The following ANKRD13C variants were observed in gnomAD, a reference collection of about 807,000 sequenced individuals.
The protein encoded by ANKRD13C is ankyrin repeat domain 13C.
A neutral mutation model predicts 65.5 loss-of-function variants in ANKRD13C; 16 were observed. That is an observed-to-expected ratio of 0.24 (90% CI 0.17 to 0.37). The LOEUF (loss-of-function observed/expected upper bound fraction) is 0.37, where lower values mean the gene tolerates loss of function less well. Among genes scored for constraint, ANKRD13C ranks in the 10% least tolerant of loss-of-function variants. ANKRD13C has a pLI of 1.00. For missense variants in ANKRD13C, 503 were observed against 655.9 expected (o/e 0.77, Z 2.55); for synonymous variants, 235 against 238.7 (o/e 0.98, Z 0.14).
chr1:70,339,610 C>T (rs1169283644), intron 1 of ANKRD13C, among the ~76,000 whole-genome samples: 1 of 151,838 alleles, frequency 6.6e-6, no homozygotes, highest in Admixed American at 6.6e-5. Context: ...TGAGCCACCG[C>T]GCTCGGCCTT....
intron 2 of ANKRD13C, among the ~76,000 whole-genome samples, 199 bp downstream of exon 2, chr1:70,335,859 A>G (rs1256116163): frequency 6.6e-6 from 1 of 151,710 alleles, no homozygotes; most frequent in Admixed American, 6.6e-5. Flanking sequence ...AAAAGTTAGT[A>G]CAGGATTTCC....
chr1:70,288,324 C>A (rs1366302139), intron 9 of ANKRD13C, among the ~76,000 whole-genome samples: 1 of 152,150 alleles, frequency 6.6e-6, no homozygotes, highest in Non-Finnish European at 1.5e-5. Context: ...AACACTTTGG[C>A]AGTCTCTTAC....
chr1:70,344,323 CA>C (rs1682437346), intron 1 of ANKRD13C, among the ~76,000 whole-genome samples: 1 of 134,014 alleles, frequency 7.5e-6, no homozygotes, highest in African/African-American at 2.8e-5. Flanking sequence ...ATTAGCTGGG[CA>C]TGGTAGTGTG....
Position 70,259,075 on chromosome 1 carries a change from C to G in ANKRD13C, c.*3642G>C, listed in dbSNP as rs1166132264. On this transcript the variant is annotated 3_prime_UTR_variant, in exon 13 of 13. Transcript: ENST00000370944. ...TACCACCTAGGTTTGTGTAAGTACA[C>G]CCAATATGGTTCTCACAATGACAAA... is the stretch of plus-strand genomic sequence containing the variant. Among the ~76,000 whole-genome samples, 1 of 152,088 alleles carries G rather than the reference C, an allele frequency of 6.6e-6. No individual in the cohort carries two copies.
At chr1:70,277,709 G>A (rs1398651894) in intron 9 of ANKRD13C, among the ~76,000 whole-genome samples, 1 of 151,994 alleles carries the variant, frequency 6.6e-6, no homozygotes, top group Non-Finnish European at 1.5e-5. Flanking sequence ...AAAATTAAAG[G>A]TAAAAAACAC....
chr1:70,350,412 G>A (rs977688222), intron 1 of ANKRD13C, among the ~76,000 whole-genome samples: 1 of 152,204 alleles, frequency 6.6e-6, no homozygotes, highest in Non-Finnish European at 1.5e-5. Flanking sequence ...ACAATGTGAT[G>A]AGGAATGGAT....
intron 1 of ANKRD13C, among the ~76,000 whole-genome samples, chr1:70,344,747 A>T (rs1012234979): frequency 2.0e-5 from 3 of 151,898 alleles, no homozygotes; most frequent in Non-Finnish European, 4.4e-5. Flanking sequence ...GAATCTCAGG[A>T]CTCCTTTTAT....
chr1:70,308,171 T>C (rs1680666529), intron 5 of ANKRD13C, among the ~76,000 whole-genome samples: 1 of 152,084 alleles, frequency 6.6e-6, no homozygotes, highest in South Asian at 2.1e-4. Context: ...TACTTATTTA[T>C]TTTTTTAAAG....
chr1:70,316,405 G>C (rs1228205618), intron 3 of ANKRD13C, among the ~76,000 whole-genome samples: 2 of 151,792 alleles, frequency 1.3e-5, no homozygotes, highest in Non-Finnish European at 2.9e-5. Context: ...ATAGAAGTAA[G>C]GGCACAGTGG....
intron 1 of ANKRD13C, among the ~76,000 whole-genome samples, chr1:70,336,430 T>C (rs563708726): frequency 7.9e-4 from 120 of 152,334 alleles, no homozygotes; most frequent in African/African-American, 2.7e-3. Context: ...CTAGTCATCC[T>C]TGGGGACAAA....
At position 70,260,129 on chromosome 1, in the gene ANKRD13C, C is replaced by A. The variant is rs1484228469; in HGVS notation, c.*2588G>T. Among the ~76,000 whole-genome samples, 2 of 152,120 alleles carry A rather than the reference C, an allele frequency of 1.3e-5. No individual in the cohort carries two copies. The highest frequency in any genetic ancestry group is 3.9e-4 in the East Asian group (2 of 5,194). On this transcript the variant is annotated 3_prime_UTR_variant, in exon 13 of 13. Coordinates refer to ENST00000370944, the MANE Select transcript of ANKRD13C (RefSeq NM_030816.5). Reference sequence around the variant, plus strand: ...TTCTGAGCAGAAGGAAACAGTTTTTCATCTACTAACATGTATCAGCAGACA... The same window carrying A: ...TTCTGAGCAGAAGGAAACAGTTTTTAATCTACTAACATGTATCAGCAGACA...
At chr1:70,334,999 C>T (rs571842699) in intron 2 of ANKRD13C, among the ~76,000 whole-genome samples, 2 of 152,140 alleles carry the variant, frequency 1.3e-5, no homozygotes, top group South Asian at 4.2e-4. Context: ...CTGACAGATA[C>T]ATTATACCAT....
chr1:70,282,008 G>T (rs1390534568), intron 9 of ANKRD13C, among the ~76,000 whole-genome samples: 1 of 148,686 alleles, frequency 6.7e-6, no homozygotes, highest in Non-Finnish European at 1.5e-5. Context: ...TCAAAAAAAA[G>T]AATTACTATT....
In ANKRD13C at chr1:70,282,979, C is replaced by T. The variant is rs183385238; in HGVS notation, c.1216-6135G>A. On this transcript the variant is annotated intron_variant, in intron 9 of 12. Coordinates refer to ENST00000370944, the MANE Select transcript of ANKRD13C (RefSeq NM_030816.5). ...ATAACTTTTCCAAGTAAGTTTCTACCATTTCCAAATAAATTCTTTCTAAAC... is the reference window on the plus strand; with the variant it reads ...ATAACTTTTCCAAGTAAGTTTCTACTATTTCCAAATAAATTCTTTCTAAAC... Among the ~76,000 whole-genome samples the T allele has an allele frequency of 2.0e-5, 3 of 152,112 alleles. No homozygotes were observed. The East Asian group carries it at 5.8e-4, about 29-fold the overall frequency.
chr1:70,342,580 A>G (rs1185577925), intron 1 of ANKRD13C, among the ~76,000 whole-genome samples: 1 of 152,136 alleles, frequency 6.6e-6, no homozygotes, highest in Non-Finnish European at 1.5e-5. Context: ...TTACAATCAA[A>G]TGTATAAATT....
chr1:70,260,231 T>C lies in ANKRD13C; in HGVS notation c.*2486A>G, dbSNP rs1406163889. ...AGGGCATCTACTTCATACTACCCTTTTATGAAGTTTGGCAATTCTCTGTAT... is the reference window on the plus strand; with the variant it reads ...AGGGCATCTACTTCATACTACCCTTCTATGAAGTTTGGCAATTCTCTGTAT... On this transcript the variant is annotated 3_prime_UTR_variant, in exon 13 of 13. Transcript: ENST00000370944. 6.6e-6 allele frequency among the ~76,000 whole-genome samples: 1 copy of C among 152,154 alleles called. No homozygotes were observed. The highest frequency in any genetic ancestry group is 2.4e-5 in the African/African-American group (1 of 41,458).
chr1:70,263,894 C>T (rs930471681), intron 12 of ANKRD13C, among the ~76,000 whole-genome samples: 1 of 152,128 alleles, frequency 6.6e-6, no homozygotes, highest in Non-Finnish European at 1.5e-5. Context: ...TTAAGTCTAA[C>T]TGATATAAGC....
intron 3 of ANKRD13C, among the ~76,000 whole-genome samples, chr1:70,323,320 A>C (rs756225692): frequency 6.6e-6 from 1 of 152,126 alleles, no homozygotes; most frequent in Non-Finnish European, 1.5e-5. Flanking sequence ...ATCTCAGTAA[A>C]TCTTAGACCC....
intron 2 of ANKRD13C, among the ~76,000 whole-genome samples, chr1:70,332,112 G>A (rs1431248380): frequency 6.6e-6 from 1 of 152,110 alleles, no homozygotes. Context: ...AACATTATTT[G>A]CAGATCCTGA....
Sources: gnomAD v4.1 joint callset for allele counts (sites outside exome capture counted in the v4.1 genomes callset) on GRCh38, gnomAD v4.1.1 for gene constraint, MANE v1.5 for transcripts, NCBI Gene and HGNC (gene_info 2026-07-23, HGNC 2026-07-21) for gene names.